Variants in C4orf50 observed in about 807,000 individuals in gnomAD.
C4orf50 encodes chromosome 4 open reading frame 50.
C4orf50 carries 80 observed loss-of-function variants against 77.2 expected under a neutral mutation model. The observed-to-expected ratio is 1.04, with a 90% CI of 0.87 to 1.25. The LOEUF is 1.25. Among genes scored for constraint, C4orf50 ranks in the 50% most tolerant of loss-of-function variants. The pLI is 0.00. For missense variants in C4orf50, 1,257 were observed against 1,152.9 expected, an observed-to-expected ratio of 1.09 and a Z score of -1.31; for synonymous variants, 532 against 465.3, an observed-to-expected ratio of 1.14 and a Z score of -1.84.
At chr4:6,004,191 ATGATGG>A (rs1577991983) in intron 25 of C4orf50, among the ~76,000 whole-genome samples, 57 of 146,938 alleles carry the variant, frequency 3.9e-4, no homozygotes, top group African/African-American at 1.2e-3. Flanking sequence ...GGTGATGGTG[ATGATGG>A]TGATGGTGAT....
intron 25 of C4orf50, among the ~76,000 whole-genome samples, chr4:6,001,252 C>G (rs554296018): frequency 6.6e-6 from 1 of 152,170 alleles, no homozygotes. Flanking sequence ...AGAGTTCAAG[C>G]GATTCTCCTG....
Position 5,900,656 on chromosome 4 carries a change from T to C in C4orf50, c.*2475-2468A>G, listed in dbSNP as rs1281189283. The C allele has an allele frequency of 6.6e-6, 1 of 152,244 alleles. No individual in the cohort carries two copies. Among genetic ancestry groups the C allele is most frequent in the African/African-American group, 2.4e-5 (1 of 41,470 alleles). The allele number at this position is 152,244 out of a possible 1,614,324, so 9.4% of individuals were successfully genotyped here. On this transcript the variant is annotated intron_variant, in intron 7 of 7. Coordinates refer to the C4orf50 transcript ENST00000324058. This position sits in a 1 kb window ranked among gnomAD's most constrained non-coding sequence, Gnocchi z 4.3. ...GCCCCATGGCACGGTTGGAGAATAC[T>C]GCATAATGACATCCGAACCACGTTC...
At chr4:5,898,775 TATC>T (rs1024948646) in intron 7 of C4orf50, 1 of 152,242 alleles carries the variant, frequency 6.6e-6, no homozygotes, top group Non-Finnish European at 1.5e-5. Context: ...TCCCTTGTTC[TATC>T]ATCACATAAA....
At chr4:5,990,433 T>C in exon 28 of C4orf50, 1 of 405,188 alleles carries the variant, frequency 2.5e-6, no homozygotes, top group Non-Finnish European at 4.3e-6. Flanking sequence ...GGGGTGTTTT[T>C]TCAGAAATGG....
intron 7 of C4orf50, among the ~76,000 whole-genome samples, chr4:5,930,701 G>A (rs1396244731): frequency 5.3e-5 from 8 of 152,248 alleles, no homozygotes; most frequent in East Asian, 3.9e-4. Context: ...CTCCAGAGCC[G>A]GATCCCCCTC....
In C4orf50 at chr4:5,973,651, G is replaced by T; in HGVS notation, c.4104+8C>A. On this transcript the variant is annotated splice_region_variant and intron_variant, in intron 31 of 33. Transcript: ENST00000531445. ...GAAGCACAGACAGGGCCATCTCTGG[G>T]ACTCTACCTCTGGGACTCCCGGAGC... 1 of 1,606,652 alleles carries T rather than the reference G, an allele frequency of 6.2e-7. No individual in the cohort carries two copies. Among genetic ancestry groups the T allele is most frequent in the Non-Finnish European group, 8.5e-7 (1 of 1,175,144 alleles).
intron 7 of C4orf50, among the ~76,000 whole-genome samples, chr4:5,938,490 C>A (rs1480337691): frequency 6.6e-6 from 1 of 152,102 alleles, no homozygotes; most frequent in Non-Finnish European, 1.5e-5. Flanking sequence ...AAGGAGGTGG[C>A]CTTAGGATGG....
intron 7 of C4orf50, among the ~76,000 whole-genome samples, chr4:5,933,908 A>C (rs1717882901): frequency 1.3e-5 from 2 of 152,060 alleles, no homozygotes; most frequent in African/African-American, 4.8e-5. Flanking sequence ...TGGGAGGAGG[A>C]GGTCAGGAGA....
rs368934562 is a variant in C4orf50, at chr4:5,922,600, C to G, written c.*2475-24412G>C. Among the ~76,000 whole-genome samples, 10 of 152,274 alleles carry G rather than the reference C, an allele frequency of 6.6e-5. No individual in the cohort carries two copies. The East Asian group carries it at 1.9e-3, about 29-fold the overall frequency. ...GCAGAAGAGGGCTTCGGGGAGAGTG[C>G]CTTGCTTGTAAACTGCCTATCTAAC... On this transcript the variant is annotated intron_variant, in intron 7 of 7. Transcript: ENST00000324058.
At chr4:5,971,906 T>C (rs1719946777) in intron 31 of C4orf50, among the ~76,000 whole-genome samples, 1 of 152,186 alleles carries the variant, frequency 6.6e-6, no homozygotes, top group African/African-American at 2.4e-5. Context: ...GAAGGTGGGC[T>C]GCTGCTATGA....
In C4orf50 at chr4:6,009,374, G is replaced by T. The variant is rs1320379909; in HGVS notation, c.427-842C>A. On this transcript the variant is annotated intron_variant, in intron 24 of 33. Coordinates refer to ENST00000531445, the Ensembl canonical transcript of C4orf50. This position sits in a 1 kb window ranked among gnomAD's most constrained non-coding sequence, Gnocchi z 5.6. ...GTCACCTGCCGCTGCTCTTCTGCCGGGGAGCTTCCGGAAAACAAAAACAAA... is the reference window on the plus strand; with the variant it reads ...GTCACCTGCCGCTGCTCTTCTGCCGTGGAGCTTCCGGAAAACAAAAACAAA... Among the ~76,000 whole-genome samples the T allele has an allele frequency of 6.6e-6, 1 of 152,162 alleles. No individual in the cohort carries two copies. The highest frequency in any genetic ancestry group is 6.5e-5 in the Admixed American group (1 of 15,278).
chr4:5,924,081 G>A (rs1403742534), intron 7 of C4orf50, among the ~76,000 whole-genome samples: 1 of 152,138 alleles, frequency 6.6e-6, no homozygotes, highest in Non-Finnish European at 1.5e-5. Flanking sequence ...TCGGGCCTTG[G>A]GCCACAGATT....
At chr4:5,903,410 G>A (rs1716419922) in intron 7 of C4orf50, 1 of 152,174 alleles carries the variant, frequency 6.6e-6, no homozygotes, top group African/African-American at 2.4e-5. Flanking sequence ...GTCCCTCAAT[G>A]CGTGAATGAT....
chr4:5,917,110 T>C (rs1717061581), intron 7 of C4orf50, among the ~76,000 whole-genome samples: 1 of 152,166 alleles, frequency 6.6e-6, no homozygotes, highest in Admixed American at 6.5e-5. Context: ...TTTGATATAA[T>C]TCTCAATTTG....
chr4:5,983,860 A>G lies in C4orf50; in HGVS notation c.3700-3522T>C, dbSNP rs1720728195. ...GATAGCTGCAGAGAATGAAAGTCCAAATACTGTCCTAGAAATGCCCCTTGG... is the reference window on the plus strand; with the variant it reads ...GATAGCTGCAGAGAATGAAAGTCCAGATACTGTCCTAGAAATGCCCCTTGG... On this transcript the variant is annotated intron_variant, in intron 28 of 33. Coordinates refer to ENST00000531445, the Ensembl canonical transcript of C4orf50. 2.6e-5 allele frequency among the ~76,000 whole-genome samples: 4 copies of G among 151,066 alleles called. No homozygotes were observed. The Admixed American group carries it at 2.7e-4, about 10-fold the overall frequency.
chr4:5,966,185 A>C (rs1338871491), intron 32 of C4orf50, among the ~76,000 whole-genome samples: 1 of 152,218 alleles, frequency 6.6e-6, no homozygotes, highest in Non-Finnish European at 1.5e-5. Context: ...CTTTTTAATA[A>C]TAAAAGTAGG....
intron 7 of C4orf50, among the ~76,000 whole-genome samples, chr4:5,945,791 T>G (rs1487909302): frequency 6.6e-6 from 1 of 152,174 alleles, no homozygotes; most frequent in African/African-American, 2.4e-5. Context: ...GGCTGGACCC[T>G]GGGCCGGGGC....
rs544338926 is a variant in C4orf50, at chr4:6,017,530, A to C, written c.287+615T>G. 1.1e-3 allele frequency among the ~76,000 whole-genome samples: 161 copies of C among 152,344 alleles called. No homozygotes were observed. The highest frequency in any genetic ancestry group is 3.4e-3 in the Middle Eastern group (1 of 294). On this transcript the variant is annotated intron_variant, in intron 23 of 33. Transcript: ENST00000531445. This position sits in a 1 kb window ranked among gnomAD's most constrained non-coding sequence, Gnocchi z 4.7. The stretch of plus-strand genomic sequence containing the variant: ...TACGTAGAAACACCTATTCATTGTG[A>C]GTTTCCTCCAAAACAACCCTTGTCA...
chr4:5,924,809 G>C lies in C4orf50; in HGVS notation c.*2475-26621C>G, dbSNP rs546708822. On this transcript the variant is annotated intron_variant, in intron 7 of 7. Coordinates refer to the C4orf50 transcript ENST00000324058. ...AAGTCCAGCTGTAGCTCTTTCAGTT[G>C]CCCATGGAACATCCAAGTGGGAACA... 9.8e-5 allele frequency among the ~76,000 whole-genome samples: 15 copies of C among 152,328 alleles called. No homozygotes were observed. In the South Asian group the frequency reaches 3.1e-3, roughly 32 times the overall value.
Sources: gnomAD v4.1 joint callset for allele counts (sites outside exome capture counted in the v4.1 genomes callset) on GRCh38, gnomAD v4.1.1 for gene constraint, Gnocchi (gnomAD v3.1) non-coding constraint, MANE v1.5 for transcripts, NCBI Gene and HGNC (gene_info 2026-07-23, HGNC 2026-07-21) for gene names.